Variants in HPS1 observed in about 807,000 individuals in gnomAD.
The protein encoded by HPS1 is HPS1 biogenesis of lysosomal organelles complex 3 subunit 1, also known as BLOC-3 complex member HPS1.
Under a neutral mutation model 90.6 loss-of-function variants are expected in HPS1, and 59 were observed. The observed-to-expected ratio is 0.65, with a 90% confidence interval of 0.53 to 0.81. HPS1 has a LOEUF of 0.81. Among genes scored for constraint, HPS1 ranks in the 30% least tolerant of loss-of-function variants. The probability of loss-of-function intolerance (pLI) is 0.00; values close to 1 mark genes in which losing one functional copy is unlikely to be tolerated. For synonymous variants in HPS1, 388 were observed against 384.4 expected, an observed-to-expected ratio of 1.01 and a Z score of -0.11; for missense variants, 849 against 896.7, an observed-to-expected ratio of 0.95 and a Z score of 0.68.
At chr10:98,415,452 A>G (rs1843990484), downstream of HPS1, among the ~76,000 whole-genome samples, 1 of 152,226 alleles carries the variant, frequency 6.6e-6, no homozygotes, top group African/African-American at 2.4e-5. Context: ...AAAACTCCCC[A>G]TTTTACAGAT....
chr10:98,446,451 C>T (rs1434315441), intron 1 of HPS1, among the ~76,000 whole-genome samples: 1 of 152,266 alleles, frequency 6.6e-6, no homozygotes, highest in Non-Finnish European at 1.5e-5. Context: ...ATCTGGACCC[C>T]AGCAAACCTC....
rs370788424 is a variant in HPS1, at chr10:98,431,201, C to G, written c.598G>C (p.Glu200Gln). 6.2e-7 allele frequency: 1 copy of G among 1,614,100 alleles called. No homozygotes were observed. The highest frequency in any genetic ancestry group is 1.7e-4 in the Middle Eastern group (1 of 6,060). Residue 200 changes from glutamate (E) to glutamine (Q), a missense_variant, in exon 7 of 20, where the codon GAG (glutamate) becomes CAG (glutamine). Transcript: ENST00000361490. ...HVIQAVNTSP[E>Q]RGGEEALHAF... Reference sequence around the variant, plus strand: ...TGCAGGGCCTCCTCGCCTCCCCGCTCGGGGCTGGTGTTGACAGCCTGGATG... The same window carrying G: ...TGCAGGGCCTCCTCGCCTCCCCGCTGGGGGCTGGTGTTGACAGCCTGGATG...
intron 17 of HPS1, 134 bp downstream of exon 17, chr10:98,422,235 C>A: frequency 1.1e-6 from 1 of 892,200 alleles, no homozygotes; most frequent in Non-Finnish European, 1.8e-6. Context: ...TTATTTATGC[C>A]GGCACTGGCC....
At chr10:98,424,246 T>G in intron 14 of HPS1, 67 bp downstream of exon 14, 1 of 1,145,030 alleles carries the variant, frequency 8.7e-7, no homozygotes, top group Non-Finnish European at 1.3e-6. Flanking sequence ...GTGGAGGAGA[T>G]GTGGCCTCCC....
At position 98,424,255 on chromosome 10, in the gene HPS1, C is replaced by T. The variant is rs1016433815; in HGVS notation, c.1397+58G>A. ...GCAGTGGTGGAGGAGATGTGGCCTCCCAGGGAACAGTCCCCTGGGCACACG... is the reference window on the plus strand; with the variant it reads ...GCAGTGGTGGAGGAGATGTGGCCTCTCAGGGAACAGTCCCCTGGGCACACG... On this transcript the variant is annotated intron_variant, in intron 14 of 19. Coordinates refer to ENST00000361490, the MANE Select transcript of HPS1 (RefSeq NM_000195.5). 3 of 1,305,080 alleles carry T rather than the reference C, an allele frequency of 2.3e-6. No individual in the cohort carries two copies. The African/African-American group carries it at 4.3e-5, about 19-fold the overall frequency. 80.8% of individuals were successfully genotyped at this position (1,305,080 alleles called of 1,614,324 possible).
Position 98,417,576 on chromosome 10 carries a change from G to T in HPS1, c.2091C>A (p.Ile697=), listed in dbSNP as rs1163552030. ...LARRLWEASR[I]PLL ...CGGCCACCTTGGCCTAGAGCAGGGG[G>T]ATACGGGAGGCCTCCCAGAGGCGCC... is the stretch of plus-strand genomic sequence containing the variant. The change falls in exon 20 of 20, where the codon ATC becomes ATA. Residue 697 remains isoleucine, a synonymous_variant. Coordinates refer to ENST00000361490, the MANE Select transcript of HPS1 (RefSeq NM_000195.5). This position sits in a 1 kb window ranked among gnomAD's most constrained non-coding sequence, Gnocchi z 4.2. The T allele has an allele frequency of 1.2e-6, 2 of 1,611,216 alleles. No homozygotes were observed.
chr10:98,443,038 C>T, intron 3 of HPS1, 86 bp downstream of exon 3: 1 of 964,116 alleles, frequency 1.0e-6, no homozygotes, highest in Non-Finnish European at 1.7e-6. Context: ...AGGGTGAACA[C>T]AGGTTTTCCT....
intron 13 of HPS1, among the ~76,000 whole-genome samples, chr10:98,424,912 T>C (rs1230707919): frequency 2.0e-5 from 3 of 152,048 alleles, no homozygotes; most frequent in Non-Finnish European, 4.4e-5. Context: ...CCAGCCACAA[T>C]GGGTCCCAGC....
At chr10:98,430,749 C>T in intron 7 of HPS1, 79 bp from the exon 8 acceptor site, 1 of 1,161,598 alleles carries the variant, frequency 8.6e-7, no homozygotes, top group Admixed American at 2.0e-5. Context: ...GAGTGTGGAG[C>T]CTGGCCCCTG....
chr10:98,444,820 G>C (rs1447096613), intron 2 of HPS1, among the ~76,000 whole-genome samples: 1 of 152,206 alleles, frequency 6.6e-6, no homozygotes, highest in East Asian at 1.9e-4. Context: ...AGTGCAACAG[G>C]TGTGAAAAGG....
In HPS1 at chr10:98,425,993, G is replaced by C. The variant is rs1845556614; in HGVS notation, c.988-8C>G. 1 of 1,613,612 alleles carries C rather than the reference G, an allele frequency of 6.2e-7. No homozygotes were observed. The highest frequency in any genetic ancestry group is 1.7e-5 in the Admixed American group (1 of 60,008). On this transcript the variant is annotated splice_polypyrimidine_tract_variant and splice_region_variant and intron_variant, in intron 11 of 19. Transcript: ENST00000361490. ...GAGGGTGTCCTCTGCTATCTACAGA[G>C]GAAGAAGAGCTGCAGTGAGAGGTGG...
downstream of HPS1, among the ~76,000 whole-genome samples, chr10:98,414,452 T>C (rs1843907859): frequency 6.6e-6 from 1 of 152,130 alleles, no homozygotes; most frequent in African/African-American, 2.4e-5. Flanking sequence ...TGCAAGGCAA[T>C]GGGGTCCATC....
chr10:98,435,636 A>G lies in HPS1; in HGVS notation c.254T>C (p.Leu85Pro), dbSNP rs752276871. 28 of 1,614,066 alleles carry G rather than the reference A, an allele frequency of 1.7e-5. 1 individual carries two copies. In the Admixed American group the frequency reaches 3.3e-4, roughly 19 times the overall value. Residue 85 changes from leucine to proline, a missense_variant and splice_region_variant, in exon 4 of 20, where the codon CTG becomes CCG. By Grantham distance (98) the Leu-to-Pro change is moderately conservative. Coordinates refer to ENST00000361490, the MANE Select transcript of HPS1 (RefSeq NM_000195.5). This position sits in a 1 kb window ranked among gnomAD's most constrained non-coding sequence, Gnocchi z 4.3. Reference sequence around the variant, plus strand: ...TGGGCCCCAGAGCTATAGACTCACCAGGTGAAGGACATACAGGAAGTTGCC... The same window carrying G: ...TGGGCCCCAGAGCTATAGACTCACCGGGTGAAGGACATACAGGAAGTTGCC... ...ENGNFLYVLH[L>P]FGECLFIAIN...
rs992198185 is a variant in HPS1, at chr10:98,417,478, A to C, written c.*86T>G. On this transcript the variant is annotated 3_prime_UTR_variant, in exon 20 of 20. Coordinates refer to ENST00000361490, the MANE Select transcript of HPS1 (RefSeq NM_000195.5). This position sits in a 1 kb window ranked among gnomAD's most constrained non-coding sequence, Gnocchi z 4.2. ...GCCCTATCCTCAGGATGGCCACTGCAGACAGGAGGCTCTCGTCATGGGGAA... is the reference window on the plus strand; with the variant it reads ...GCCCTATCCTCAGGATGGCCACTGCCGACAGGAGGCTCTCGTCATGGGGAA... 1 of 1,269,774 alleles carries C rather than the reference A, an allele frequency of 7.9e-7. No homozygotes were observed. Among genetic ancestry groups the C allele is most frequent in the African/African-American group, 1.5e-5 (1 of 68,194 alleles). The allele number at this position is 1,269,774 out of a possible 1,614,324, so 78.7% of individuals were successfully genotyped here.
At chr10:98,438,691 C>T (rs777349264) in intron 3 of HPS1, among the ~76,000 whole-genome samples, 1 of 152,162 alleles carries the variant, frequency 6.6e-6, no homozygotes, top group Non-Finnish European at 1.5e-5. Context: ...AATGTGCAGC[C>T]TGATGATGCA....
At chr10:98,420,786 A>C (rs931696814) in intron 17 of HPS1, among the ~76,000 whole-genome samples, 1 of 152,214 alleles carries the variant, frequency 6.6e-6, no homozygotes, top group African/African-American at 2.4e-5. Flanking sequence ...AGCCAGGGAC[A>C]TCATTAATGA....
At chr10:98,431,003 G>C in intron 7 of HPS1, 128 bp downstream of exon 7, 7 of 953,084 alleles carry the variant, frequency 7.3e-6, no homozygotes, top group Non-Finnish European at 1.2e-5. Flanking sequence ...AATCAAATCT[G>C]GGAAGGTTTC....
Position 98,435,581 on chromosome 10 carries a change from A to C in HPS1, c.255+54T>G. On this transcript the variant is annotated intron_variant, in intron 4 of 19. Coordinates refer to ENST00000361490, the MANE Select transcript of HPS1 (RefSeq NM_000195.5). This position sits in a 1 kb window ranked among gnomAD's most constrained non-coding sequence, Gnocchi z 4.3. ...AGTTCCAAATAAGAGAGGCCTGTGG[A>C]CTCCCCATCAAGCTGAGGGAAGAGG... 1 of 1,607,920 alleles carries C rather than the reference A, an allele frequency of 6.2e-7. No homozygotes were observed. The highest frequency in any genetic ancestry group is 2.2e-5 in the East Asian group (1 of 44,784).
At chr10:98,438,854 C>T (rs1937867404) in intron 3 of HPS1, among the ~76,000 whole-genome samples, 1 of 152,226 alleles carries the variant, frequency 6.6e-6, no homozygotes, top group Non-Finnish European at 1.5e-5. Context: ...CCTCTCGCCA[C>T]AGGCCTGGAG....
Sources: allele counts gnomAD v4.1 joint callset (sites outside exome capture counted in the v4.1 genomes callset), GRCh38; gene constraint gnomAD v4.1.1; non-coding constraint Gnocchi (gnomAD v3.1); transcripts MANE v1.5; gene names NCBI Gene and HGNC (gene_info 2026-07-23, HGNC 2026-07-21).